NBEA: variants seen among roughly 807,000 people sequenced by gnomAD.
NBEA encodes neurobeachin.
Under a neutral mutation model 343.4 loss-of-function variants are expected in NBEA, and 44 were observed. The ratio of observed to expected loss-of-function variants is 0.13; its 90% CI spans 0.10 to 0.16. The LOEUF (loss-of-function observed/expected upper bound fraction) is 0.16. Ranked by LOEUF, NBEA falls within the 10% of genes least tolerant of loss-of-function variation. The pLI is 1.00. For missense variants in NBEA, 2,555 were observed against 3,631.3 expected (o/e 0.70, Z 7.62); for synonymous variants, 1,175 against 1,238.7 (o/e 0.95, Z 1.08).
chr13:35,374,719 A>G (rs575905073), intron 38 of NBEA, among the ~76,000 whole-genome samples: 1 of 152,294 alleles, frequency 6.6e-6, no homozygotes, highest in South Asian at 2.1e-4. Context: ...TTTCTAGTTT[A>G]AATATATACA....
chr13:35,359,629 T>C, intron 38 of NBEA, among the ~76,000 whole-genome samples: 1 of 152,152 alleles, frequency 6.6e-6, no homozygotes, highest in East Asian at 1.9e-4. Flanking sequence ...TATTTCTGTG[T>C]TGAGGAAAAG....
chr13:35,606,928 G>A (rs78727033), intron 48 of NBEA, among the ~76,000 whole-genome samples: 6 of 152,116 alleles, frequency 3.9e-5, no homozygotes, highest in East Asian at 3.9e-4. Flanking sequence ...AAATCTGAAC[G>A]CTTTTTTCAC....
At chr13:35,423,527 G>A (rs1456535802) in intron 38 of NBEA, among the ~76,000 whole-genome samples, 1 of 152,156 alleles carries the variant, frequency 6.6e-6, no homozygotes, top group Non-Finnish European at 1.5e-5. Flanking sequence ...TTTGGTACCA[G>A]TACCATGCTG....
chr13:35,454,154 T>A (rs1011519775), intron 40 of NBEA, among the ~76,000 whole-genome samples: 13 of 152,224 alleles, frequency 8.5e-5, no homozygotes, highest in Non-Finnish European at 1.8e-4. Context: ...TCTACAAATA[T>A]ACTCTGAACC....
At chr13:35,227,174 C>T (rs1006793331) in intron 33 of NBEA, among the ~76,000 whole-genome samples, 1 of 151,580 alleles carries the variant, frequency 6.6e-6, no homozygotes, top group Admixed American at 6.6e-5. Context: ...TCCGTAGCGG[C>T]CACAACCTTA....
intron 43 of NBEA, among the ~76,000 whole-genome samples, chr13:35,554,567 G>A (rs1250716579): frequency 6.6e-6 from 1 of 152,216 alleles, no homozygotes; most frequent in African/African-American, 2.4e-5. Flanking sequence ...GTGAAGGCAA[G>A]TCGAAGAAGT....
chr13:35,337,561 T>G (rs2152854113), intron 36 of NBEA, among the ~76,000 whole-genome samples: 1 of 152,128 alleles, frequency 6.6e-6, no homozygotes, highest in South Asian at 2.1e-4. Context: ...ACTTGGAGAC[T>G]TTAGTATCCC....
At chr13:35,076,957 AAGAG>A (rs2064147858) in intron 10 of NBEA, among the ~76,000 whole-genome samples, 1 of 152,048 alleles carries the variant, frequency 6.6e-6, no homozygotes, top group African/African-American at 2.4e-5. Context: ...TGCCTTTATA[AAGAG>A]TATTACCACA....
intron 41 of NBEA, chr13:35,475,552 C>G: frequency 3.7e-6 from 6 of 1,613,372 alleles, no homozygotes; most frequent in Non-Finnish European, 5.1e-6. Context: ...CCGGTTGGGT[C>G]CCGGCCAGGG....
chr13:35,153,336 T>C (rs1255324071), intron 18 of NBEA, among the ~76,000 whole-genome samples: 1 of 151,996 alleles, frequency 6.6e-6, no homozygotes, highest in African/African-American at 2.4e-5. Context: ...CCTGGCCACA[T>C]AGGTTCTTAA....
intron 1 of NBEA, among the ~76,000 whole-genome samples, chr13:34,997,748 T>G (rs967745247): frequency 6.6e-6 from 1 of 152,212 alleles, no homozygotes; most frequent in Non-Finnish European, 1.5e-5. Flanking sequence ...TATTCCAATT[T>G]GCATTCATTG....
At chr13:34,977,675 T>C (rs1192777967) in intron 1 of NBEA, among the ~76,000 whole-genome samples, 1 of 152,198 alleles carries the variant, frequency 6.6e-6, no homozygotes, top group African/African-American at 2.4e-5. Context: ...AGTAATCTAA[T>C]TCATTTTGAT....
chr13:34,956,844 G>A (rs1258681922), intron 1 of NBEA, among the ~76,000 whole-genome samples: 1 of 152,030 alleles, frequency 6.6e-6, no homozygotes, highest in African/African-American at 2.4e-5. Flanking sequence ...GAAATCCTGT[G>A]CCCATTAAAT....
At chr13:35,150,840 G>C (rs1161079905) in intron 18 of NBEA, among the ~76,000 whole-genome samples, 1 of 114,002 alleles carries the variant, frequency 8.8e-6, no homozygotes, top group African/African-American at 3.9e-5. Flanking sequence ...AGGAGGCCAG[G>C]CACAGTGACT....
At chr13:35,446,205 C>G (rs901930781) in intron 39 of NBEA, among the ~76,000 whole-genome samples, 1 of 152,118 alleles carries the variant, frequency 6.6e-6, no homozygotes, top group Non-Finnish European at 1.5e-5. Flanking sequence ...TTTTCTTAAT[C>G]CAGTCTATCA....
intron 25 of NBEA, among the ~76,000 whole-genome samples, chr13:35,170,013 G>A (rs977116710): frequency 6.6e-6 from 1 of 151,756 alleles, no homozygotes; most frequent in Non-Finnish European, 1.5e-5. Flanking sequence ...CTATTTTGCT[G>A]TTAAATGGAA....
At chr13:35,560,951 A>T (rs1321478235) in intron 44 of NBEA, among the ~76,000 whole-genome samples, 1 of 152,138 alleles carries the variant, frequency 6.6e-6, no homozygotes, top group Non-Finnish European at 1.5e-5. Context: ...CCCTACTGCC[A>T]TAAGTTCTGA....
chr13:35,211,581 G>A (rs1311922703), intron 33 of NBEA, among the ~76,000 whole-genome samples: 2 of 152,110 alleles, frequency 1.3e-5, no homozygotes, highest in Non-Finnish European at 2.9e-5. Context: ...TTGGAAGGCC[G>A]AGGAGGGCAG....
At chr13:35,518,943 C>T (rs1594864563) in intron 41 of NBEA, among the ~76,000 whole-genome samples, 2 of 152,138 alleles carry the variant, frequency 1.3e-5, no homozygotes, top group African/African-American at 4.8e-5. Flanking sequence ...CCAAATCAAA[C>T]GTAGAACATG....
Sources: gnomAD v4.1 joint callset for allele counts (sites outside exome capture counted in the v4.1 genomes callset) on GRCh38, gnomAD v4.1.1 for gene constraint, MANE v1.5 for transcripts, NCBI Gene and HGNC (gene_info 2026-07-23, HGNC 2026-07-21) for gene names.